The following LRP1B variants were observed in gnomAD, a reference collection of about 807,000 sequenced individuals.
LRP1B encodes the protein LDL receptor related protein 1B.
Under a neutral mutation model 556.6 loss-of-function variants are expected in LRP1B, and 217 were observed. The observed-to-expected ratio is 0.39, with a 90% CI of 0.35 to 0.44. LRP1B has a LOEUF of 0.44. Among genes scored for constraint, LRP1B ranks in the 20% least tolerant of loss-of-function variants. The pLI, the probability that LRP1B is intolerant of heterozygous loss-of-function variation, is 1.00. For synonymous variants in LRP1B, 2,047 were observed against 1,865.8 expected, an observed-to-expected ratio of 1.10 and a Z score of -2.50; for missense variants, 5,053 against 5,620.8, an observed-to-expected ratio of 0.90 and a Z score of 3.23.
At chr2:142,041,833 T>C (rs1704076818) in intron 1 of LRP1B, among the ~76,000 whole-genome samples, 1 of 151,564 alleles carries the variant, frequency 6.6e-6, no homozygotes, top group South Asian at 2.1e-4. Context: ...GATTTCATAT[T>C]ATGTATTTCT....
chr2:141,278,030 C>T (rs1008542429), intron 3 of LRP1B, among the ~76,000 whole-genome samples: 1 of 152,204 alleles, frequency 6.6e-6, no homozygotes, highest in East Asian at 1.9e-4. Flanking sequence ...AGAGCTCAAG[C>T]TTATCTTCCC....
intron 2 of LRP1B, among the ~76,000 whole-genome samples, chr2:141,532,388 C>A (rs1178941845): frequency 6.6e-6 from 1 of 151,938 alleles, no homozygotes; most frequent in African/African-American, 2.4e-5. Flanking sequence ...ACTGAACAAA[C>A]ATGTCCTCAG....
chr2:140,757,821 C>T (rs1688788057), intron 35 of LRP1B, among the ~76,000 whole-genome samples: 1 of 152,144 alleles, frequency 6.6e-6, no homozygotes, highest in Non-Finnish European at 1.5e-5. Context: ...GCGGAGGTTG[C>T]AGTGAGCAGA....
intron 4 of LRP1B, 47 bp from the exon 5 acceptor site, chr2:141,247,401 A>AC (rs1684107025): frequency 1.3e-6 from 2 of 1,592,398 alleles, no homozygotes; most frequent in Non-Finnish European, 1.7e-6. Flanking sequence ...TATCTTGGGC[A>AC]CTTTTTTTTC....
intron 18 of LRP1B, among the ~76,000 whole-genome samples, chr2:140,970,714 C>CTTTTTTTTTTTTTTTT (rs571691521): frequency 8.2e-5 from 1 of 12,252 alleles, no homozygotes; most frequent in African/African-American, 2.3e-4. Flanking sequence ...ATTTTTTAAC[C>CTTTTTTTTTTTTTTTT]TTTTTTTTTT....
intron 1 of LRP1B, among the ~76,000 whole-genome samples, chr2:141,877,503 A>C (rs10192543): frequency 1.3e-5 from 2 of 151,924 alleles, no homozygotes; most frequent in African/African-American, 4.8e-5. Flanking sequence ...CTGCAGGCTG[A>C]CACAGAAAGT....
At chr2:141,496,966 C>G (rs775999489) in intron 2 of LRP1B, among the ~76,000 whole-genome samples, 10 of 151,928 alleles carry the variant, frequency 6.6e-5, no homozygotes, top group Non-Finnish European at 1.3e-4. Context: ...TATCTGACAG[C>G]TCGGTTCAAA....
At chr2:141,406,836 T>C (rs1690660420) in intron 3 of LRP1B, among the ~76,000 whole-genome samples, 1 of 152,134 alleles carries the variant, frequency 6.6e-6, no homozygotes, top group Non-Finnish European at 1.5e-5. Flanking sequence ...TAAATATTTG[T>C]TCAGATATTT....
At chr2:140,490,617 T>A (rs1480367634) in intron 57 of LRP1B, among the ~76,000 whole-genome samples, 1 of 152,142 alleles carries the variant, frequency 6.6e-6, no homozygotes, top group Non-Finnish European at 1.5e-5. Flanking sequence ...ATTCTGCATA[T>A]GTGGACAGAC....
At chr2:141,899,854 C>G (rs1574475777) in intron 1 of LRP1B, among the ~76,000 whole-genome samples, 1 of 151,986 alleles carries the variant, frequency 6.6e-6, no homozygotes, top group Non-Finnish European at 1.5e-5. Flanking sequence ...TATCTGGCCA[C>G]CCCCTGAGTT....
intron 86 of LRP1B, among the ~76,000 whole-genome samples, chr2:140,253,110 TTA>T (rs1176879750): frequency 1.3e-5 from 2 of 152,010 alleles, no homozygotes; most frequent in African/African-American, 4.8e-5. Flanking sequence ...CATCTTAAAT[TTA>T]TGTCTGTTGT....
chr2:141,179,289 A>C (rs999461800), intron 7 of LRP1B, among the ~76,000 whole-genome samples: 1 of 152,010 alleles, frequency 6.6e-6, no homozygotes, highest in Non-Finnish European at 1.5e-5. Flanking sequence ...TTAGATTCCC[A>C]ATGCTACATT....
chr2:141,044,608 A>G (rs1698811513), intron 11 of LRP1B, among the ~76,000 whole-genome samples: 1 of 151,928 alleles, frequency 6.6e-6, no homozygotes, highest in Admixed American at 6.6e-5. Flanking sequence ...AAAGTGGGCA[A>G]AGGACATGAA....
chr2:140,748,326 ATAT>A (rs1477664964), intron 35 of LRP1B, among the ~76,000 whole-genome samples: 2 of 124,974 alleles, frequency 1.6e-5, no homozygotes, highest in African/African-American at 6.1e-5. Context: ...TATATAATAT[ATAT>A]TATATTCATA....
At chr2:141,074,587 C>CTA (rs1457349404) in intron 7 of LRP1B, among the ~76,000 whole-genome samples, 89 of 85,698 alleles carry the variant, frequency 1.0e-3, no homozygotes, top group Admixed American at 5.7e-3. Context: ...CTCTCTCTCT[C>CTA]TCTATATATA....
chr2:140,859,964 CA>C (rs1323822423), intron 27 of LRP1B, among the ~76,000 whole-genome samples: 92 of 152,114 alleles, frequency 6.0e-4, no homozygotes, highest in Non-Finnish European at 4.9e-4. Flanking sequence ...CCCTGCACTC[CA>C]GCCTGGGTGA....
At chr2:141,012,952 T>C (rs1697797771) in intron 14 of LRP1B, among the ~76,000 whole-genome samples, 1 of 151,928 alleles carries the variant, frequency 6.6e-6, no homozygotes, top group African/African-American at 2.4e-5. Flanking sequence ...ATACCTAAAT[T>C]CTGAGTAATG....
chr2:141,972,054 T>C (rs1049959363), intron 1 of LRP1B, among the ~76,000 whole-genome samples: 16 of 151,720 alleles, frequency 1.1e-4, no homozygotes, highest in Middle Eastern at 3.4e-3. Flanking sequence ...ATTTTCCTCA[T>C]GTTTTGAATG....
At chr2:141,963,587 C>G (rs1050156323) in intron 1 of LRP1B, among the ~76,000 whole-genome samples, 2 of 151,874 alleles carry the variant, frequency 1.3e-5, no homozygotes, top group East Asian at 3.9e-4. Context: ...ATTGATGGGT[C>G]GTATTTCAAA....
Sources: gnomAD v4.1 joint callset for allele counts (sites outside exome capture counted in the v4.1 genomes callset) on GRCh38, gnomAD v4.1.1 for gene constraint, MANE v1.5 for transcripts, NCBI Gene and HGNC (gene_info 2026-07-23, HGNC 2026-07-21) for gene names.